The following SMYD3 variants were observed in gnomAD, a reference collection of about 807,000 sequenced individuals.
The protein encoded by SMYD3 is histone-lysine N-methyltransferase SMYD3.
In SMYD3, 36 loss-of-function variants were observed where a neutral mutation model predicts 57.7. The ratio of observed to expected loss-of-function variants is 0.62; its 90% CI spans 0.48 to 0.82. The LOEUF (loss-of-function observed/expected upper bound fraction) is 0.82. Ranked by LOEUF, SMYD3 falls within the 40% of genes least tolerant of loss-of-function variation. SMYD3 has a pLI of 0.00. For missense variants in SMYD3, 515 were observed against 538.8 expected (o/e 0.96, Z 0.44); for synonymous variants, 211 against 195.0 (o/e 1.08, Z -0.68).
intron 5 of SMYD3, among the ~76,000 whole-genome samples, chr1:245,949,353 C>T (rs1315359820): frequency 2.6e-5 from 4 of 152,194 alleles, no homozygotes; most frequent in Non-Finnish European, 5.9e-5. Context: ...GCCCGGGGTC[C>T]CTGTCCCCAG....
chr1:246,007,063 CGAAGCTGAGGACA>C (rs1379473079), intron 5 of SMYD3, among the ~76,000 whole-genome samples: 5 of 152,080 alleles, frequency 3.3e-5, no homozygotes, highest in Non-Finnish European at 5.9e-5. Context: ...GGCTAAGGCC[CGAAGCTGAGGACA>C]GAAAGTGATC....
At chr1:245,920,042 G>A (rs1002120604) in intron 7 of SMYD3, among the ~76,000 whole-genome samples, 16 of 152,090 alleles carry the variant, frequency 1.1e-4, no homozygotes, top group African/African-American at 2.9e-4. Context: ...GGCCGGCCAC[G>A]GTGGCTCACG....
intron 5 of SMYD3, among the ~76,000 whole-genome samples, chr1:246,294,318 T>A (rs1429469003): frequency 6.6e-6 from 1 of 152,180 alleles, no homozygotes; most frequent in Non-Finnish European, 1.5e-5. Flanking sequence ...GCCCACTATG[T>A]TGCAGAGTTA....
At chr1:246,010,281 T>C (rs1050217987) in intron 5 of SMYD3, among the ~76,000 whole-genome samples, 7 of 152,118 alleles carry the variant, frequency 4.6e-5, no homozygotes, top group African/African-American at 9.6e-5. Flanking sequence ...AGGATAAAAA[T>C]TGACTTTTAA....
At chr1:245,831,708 G>A (rs1472038391) in intron 10 of SMYD3, among the ~76,000 whole-genome samples, 1 of 152,194 alleles carries the variant, frequency 6.6e-6, no homozygotes, top group Non-Finnish European at 1.5e-5. Context: ...TCCTTTGTGA[G>A]GGCAGCCGCT....
At chr1:246,219,183 C>T (rs899008917) in intron 5 of SMYD3, among the ~76,000 whole-genome samples, 1 of 152,090 alleles carries the variant, frequency 6.6e-6, no homozygotes, top group Non-Finnish European at 1.5e-5. Flanking sequence ...AACTTACATC[C>T]CTGTTTCCCT....
intron 5 of SMYD3, among the ~76,000 whole-genome samples, chr1:245,953,792 T>G (rs887675495): frequency 3.9e-5 from 6 of 152,230 alleles, no homozygotes; most frequent in Admixed American, 3.9e-4. Flanking sequence ...AAGTATGTTC[T>G]GTGATTACTC....
At chr1:245,881,654 C>T (rs550872094) in intron 8 of SMYD3, among the ~76,000 whole-genome samples, 1 of 152,228 alleles carries the variant, frequency 6.6e-6, no homozygotes, top group South Asian at 2.1e-4. Flanking sequence ...ACTTTCCTAA[C>T]AAGTAAGCAA....
intron 5 of SMYD3, among the ~76,000 whole-genome samples, chr1:246,294,208 T>C (rs889509692): frequency 3.9e-5 from 6 of 152,130 alleles, no homozygotes; most frequent in Non-Finnish European, 8.8e-5. Context: ...AGAGAATGTC[T>C]TCCTCATTTC....
At chr1:246,140,936 T>C (rs916308554) in intron 5 of SMYD3, among the ~76,000 whole-genome samples, 5 of 152,204 alleles carry the variant, frequency 3.3e-5, no homozygotes, top group Admixed American at 2.6e-4. Flanking sequence ...GTCACTGGCT[T>C]AGCAGAGTGG....
intron 8 of SMYD3, among the ~76,000 whole-genome samples, chr1:245,893,714 C>T (rs1389166709): frequency 3.3e-5 from 5 of 151,508 alleles, no homozygotes; most frequent in South Asian, 2.1e-4. Context: ...CAACGCAGTA[C>T]GAAGGAATTT....
intron 5 of SMYD3, among the ~76,000 whole-genome samples, chr1:246,307,930 C>T (rs140819194): frequency 1.3e-5 from 2 of 152,142 alleles, no homozygotes; most frequent in Non-Finnish European, 2.9e-5. Flanking sequence ...ACTCCAGGTA[C>T]CTCGGTAGCC....
chr1:246,371,234 G>T (rs1021933466), intron 1 of SMYD3, among the ~76,000 whole-genome samples: 1 of 152,146 alleles, frequency 6.6e-6, no homozygotes, highest in African/African-American at 2.4e-5. Flanking sequence ...AAGTCACTCG[G>T]ACAGCTAATC....
In SMYD3 at chr1:246,228,130, C is replaced by T. The variant is rs866545064; in HGVS notation, c.531+99071G>A. ...GATTACAGGCGCATGCTACCATGACCGGCTAATTTTTGTATTTTTAGTAGA... is the reference window on the plus strand; with the variant it reads ...GATTACAGGCGCATGCTACCATGACTGGCTAATTTTTGTATTTTTAGTAGA... On this transcript the variant is annotated intron_variant, in intron 5 of 11. Coordinates refer to ENST00000490107, the MANE Select transcript of SMYD3 (RefSeq NM_001167740.2). 5.9e-5 allele frequency among the ~76,000 whole-genome samples: 9 copies of T among 151,956 alleles called. 1 individual carries two copies. Among genetic ancestry groups the T allele is most frequent in the Middle Eastern group, 6.8e-3 (2 of 294 alleles).
rs1003529867 is a variant in SMYD3, at chr1:245,809,170, C to G, written c.1077-45021G>C. The stretch of plus-strand genomic sequence containing the variant: ...CTGCTCACTACTATCAAACACATAA[C>G]AAGTATGGGCCTTGTTATTAGTGAT... On this transcript the variant is annotated intron_variant, in intron 10 of 11. Transcript: ENST00000490107. Among the ~76,000 whole-genome samples, 4 of 152,294 alleles carry G rather than the reference C, an allele frequency of 2.6e-5. No individual in the cohort carries two copies. The South Asian group carries it at 8.3e-4, about 32-fold the overall frequency.
chr1:245,991,362 A>G (rs11578374), intron 5 of SMYD3, among the ~76,000 whole-genome samples: 77,676 of 152,152 alleles, frequency 0.51, 23,542 homozygotes, highest in Middle Eastern at 0.69. Context: ...CAGAGATACC[A>G]GCAGAGAACT....
chr1:246,407,983 A>G (rs1346607922), intron 1 of SMYD3, among the ~76,000 whole-genome samples: 1 of 151,902 alleles, frequency 6.6e-6, no homozygotes, highest in African/African-American at 2.4e-5. Context: ...ACCTGAGGGC[A>G]GGTTTCTTCA....
At chr1:245,856,695 T>C (rs2051257966) in intron 10 of SMYD3, among the ~76,000 whole-genome samples, 1 of 152,152 alleles carries the variant, frequency 6.6e-6, no homozygotes, top group African/African-American at 2.4e-5. Context: ...TTTATGGATG[T>C]GGTGGACCCA....
At chr1:245,988,674 GCCCACA>G (rs1230734365) in intron 5 of SMYD3, 1 of 152,274 alleles carries the variant, frequency 6.6e-6, no homozygotes, top group Non-Finnish European at 1.5e-5. Flanking sequence ...AATCCAATCA[GCCCACA>G]CCTGGCCCCC....
Sources: gnomAD v4.1 joint callset for allele counts (sites outside exome capture counted in the v4.1 genomes callset) on GRCh38, gnomAD v4.1.1 for gene constraint, MANE v1.5 for transcripts, NCBI Gene and HGNC (gene_info 2026-07-23, HGNC 2026-07-21) for gene names.